Variants in HEBP1 observed in about 807,000 individuals in gnomAD.
HEBP1 encodes the protein heme binding protein 1, also known as heme-binding protein 1.
HEBP1 carries 13 observed loss-of-function variants against 20.4 expected under a neutral mutation model. The observed-to-expected ratio is 0.64, with a 90% CI of 0.42 to 1.01. The LOEUF is 1.01. HEBP1 is among the 50% of genes least tolerant of loss of function. The pLI is 0.00. For missense variants in HEBP1, 241 were observed against 247.3 expected (o/e 0.97, Z 0.17); for synonymous variants, 92 against 90.7 (o/e 1.01, Z -0.08).
In HEBP1 at chr12:12,981,715, T is replaced by G. The variant is rs147568514; in HGVS notation, c.398+5437A>C. On this transcript the variant is annotated intron_variant, in intron 3 of 3. Coordinates refer to ENST00000014930, the MANE Select transcript of HEBP1 (RefSeq NM_015987.5). ...ACTGTTAGACACCTAAAATAGTTCCTGGTACAGAGTAAGTGAACAAGAAAT... is the reference window on the plus strand; with the variant it reads ...ACTGTTAGACACCTAAAATAGTTCCGGGTACAGAGTAAGTGAACAAGAAAT... Among the ~76,000 whole-genome samples, 351 of 152,312 alleles carry G rather than the reference T, an allele frequency of 2.3e-3. 2 individuals carry two copies. Among genetic ancestry groups the G allele is most frequent in the Middle Eastern group, 0.01 (3 of 294 alleles).
intron 1 of HEBP1, among the ~76,000 whole-genome samples, chr12:12,991,039 C>T (rs1461747920): frequency 6.6e-6 from 1 of 152,184 alleles, no homozygotes; most frequent in Non-Finnish European, 1.5e-5. Flanking sequence ...TTTAAAAACT[C>T]TCATCCCTGA....
rs541711600 is a variant in HEBP1, at chr12:12,983,221, T to C, written c.398+3931A>G. 381 of 153,788 alleles carry C rather than the reference T, an allele frequency of 2.5e-3. 1 individual carries two copies. Among genetic ancestry groups the C allele is most frequent in the Non-Finnish European group, 2.8e-3 (194 of 69,104 alleles). 9.5% of individuals were successfully genotyped at this position (153,788 alleles called of 1,614,324 possible). On this transcript the variant is annotated intron_variant, in intron 3 of 3. Transcript: ENST00000014930. ...GAAATGAGCTGAAAAGGCCAAACTC[T>C]AACTTAAGTGCATAGAGAAAGGACA... is the stretch of plus-strand genomic sequence containing the variant.
chr12:12,977,157 C>T (rs1228116684), intron 3 of HEBP1, among the ~76,000 whole-genome samples: 1 of 152,138 alleles, frequency 6.6e-6, no homozygotes, highest in African/African-American at 2.4e-5. Flanking sequence ...CTAGTGCTGC[C>T]CTTTCTAGGT....
intron 3 of HEBP1, among the ~76,000 whole-genome samples, chr12:12,976,887 G>A (rs1863996762): frequency 6.6e-6 from 1 of 152,210 alleles, no homozygotes; most frequent in Admixed American, 6.5e-5. Context: ...GGCAATAAGA[G>A]CCTGTAAGAC....
chr12:12,990,110 C>T lies in HEBP1; in HGVS notation c.79-695G>A, dbSNP rs368751333. Among the ~76,000 whole-genome samples, 229 of 126,658 alleles carry T rather than the reference C, an allele frequency of 1.8e-3. 1 individual carries two copies. Among genetic ancestry groups the T allele is most frequent in the African/African-American group, 5.6e-3 (191 of 34,354 alleles). The allele number at this position is 126,658 out of a possible 152,430, so 83.1% of individuals were successfully genotyped here. ...AAAAGCCAAGCAAATAGTTGCTACT[C>T]TCTGTGCACACACACACACACACAC... On this transcript the variant is annotated intron_variant, in intron 1 of 3. Transcript: ENST00000014930.
intron 3 of HEBP1, among the ~76,000 whole-genome samples, chr12:12,975,770 C>T (rs1425596155): frequency 2.0e-5 from 3 of 152,116 alleles, no homozygotes; most frequent in Non-Finnish European, 2.9e-5. Context: ...TGAGTATAAA[C>T]GTGAGCCTCC....
At chr12:12,980,580 T>G (rs912390818) in intron 3 of HEBP1, 4 of 152,362 alleles carry the variant, frequency 2.6e-5, no homozygotes, top group African/African-American at 9.6e-5. Context: ...TATGACAACC[T>G]TCTGTCCTCA....
intron 1 of HEBP1, among the ~76,000 whole-genome samples, chr12:12,993,646 G>A (rs59882359): frequency 0.039 from 5,978 of 152,096 alleles, 376 homozygotes; most frequent in African/African-American, 0.13. Flanking sequence ...GTCATTTTAC[G>A]CAGTTACTTC....
rs773437539 is a variant in HEBP1 at position 12,987,338 on chromosome 12, AAC to A, written c.218-8_218-7del. 6.2e-7 allele frequency: 1 copy of A among 1,611,574 alleles called. No homozygotes were observed. The highest frequency in any genetic ancestry group is 1.7e-5 in the Admixed American group (1 of 59,792). On this transcript the variant is annotated splice_region_variant and splice_polypyrimidine_tract_variant and intron_variant, in intron 2 of 3. Coordinates refer to ENST00000014930, the MANE Select transcript of HEBP1 (RefSeq NM_015987.5). ...TGTCATCCCCATCCCAATTCCTGAA[AAC>A]ACAAAAGCACAGAGTGAGGCAGGGA...
chr12:12,980,321 A>G (rs149634577), intron 3 of HEBP1: 1 of 152,230 alleles, frequency 6.6e-6, no homozygotes, highest in Admixed American at 6.5e-5. Context: ...GAGAGCTCTA[A>G]GTGTGGTCAG....
chr12:12,980,303 C>T (rs185619795), intron 3 of HEBP1: 1 of 152,348 alleles, frequency 6.6e-6, no homozygotes, highest in East Asian at 1.9e-4. Flanking sequence ...AGATGTCTTT[C>T]TACCCTCGAG....
At chr12:12,987,741 A>G (rs1271980753) in intron 2 of HEBP1, among the ~76,000 whole-genome samples, 1 of 151,878 alleles carries the variant, frequency 6.6e-6, no homozygotes, top group Non-Finnish European at 1.5e-5. Context: ...GGTTCAAGCG[A>G]TTCTTGTGCC....
intron 3 of HEBP1, among the ~76,000 whole-genome samples, chr12:12,977,730 T>C (rs1864010693): frequency 6.6e-6 from 1 of 152,242 alleles, no homozygotes; most frequent in African/African-American, 2.4e-5. Flanking sequence ...CATCCCAATC[T>C]TCTTCCTATG....
chr12:12,987,647 T>TCTCTCTCTCTCTCTC (rs1428558286), intron 2 of HEBP1, among the ~76,000 whole-genome samples: 1 of 151,606 alleles, frequency 6.6e-6, no homozygotes, highest in Non-Finnish European at 1.5e-5. Context: ...TCTTTCTTTC[T>TCTCTCTCTCTCTCTC]TCCGACAGTC....
Position 12,975,023 on chromosome 12 carries a change from C to G in HEBP1, c.*285G>C. 7.2e-6 allele frequency: 2 copies of G among 278,322 alleles called. No individual in the cohort carries two copies. The highest frequency in any genetic ancestry group is 1.3e-5 in the Non-Finnish European group (2 of 148,944). The allele number at this position is 278,322 out of a possible 1,614,324, so 17.2% of individuals were successfully genotyped here. ...TTTAGAAAATCAGTTTTTAGTGACC[C>G]AGATGCCTGGAGAAAAGCTGCCAGG... On this transcript the variant is annotated 3_prime_UTR_variant, in exon 4 of 4. Transcript: ENST00000014930.
At chr12:12,987,590 T>TTCTCTCTCTCTCTCTCTCTCTC (rs145821079) in intron 2 of HEBP1, among the ~76,000 whole-genome samples, 1 of 133,212 alleles carries the variant, frequency 7.5e-6, no homozygotes, top group East Asian at 2.2e-4. Context: ...ATCAGTCTCT[T>TTCTCTCTCTCTCTCTCTCTCTC]TCTCTCTCTC....
chr12:12,993,481 C>A (rs377318673), intron 1 of HEBP1, among the ~76,000 whole-genome samples: 4 of 121,722 alleles, frequency 3.3e-5, no homozygotes, highest in African/African-American at 1.3e-4. Flanking sequence ...TTTTTTTTTT[C>A]TTTTCCTCTC....
At chr12:12,990,590 G>C (rs1307865412) in intron 1 of HEBP1, among the ~76,000 whole-genome samples, 1 of 152,120 alleles carries the variant, frequency 6.6e-6, no homozygotes, top group South Asian at 2.1e-4. Flanking sequence ...GGCTTAGGCC[G>C]AACTAATTGT....
chr12:12,978,229 G>A (rs1264636215), intron 3 of HEBP1, among the ~76,000 whole-genome samples: 1 of 33,226 alleles, frequency 3.0e-5, no homozygotes, highest in East Asian at 1.0e-3. Flanking sequence ...TTTTTTTTTT[G>A]AGACAGAGTC....
Sources: gnomAD v4.1 joint callset for allele counts (sites outside exome capture counted in the v4.1 genomes callset) on GRCh38, gnomAD v4.1.1 for gene constraint, MANE v1.5 for transcripts, NCBI Gene and HGNC (gene_info 2026-07-23, HGNC 2026-07-21) for gene names.